Variants in KAT6B observed in about 807,000 individuals in gnomAD.
KAT6B encodes histone acetyltransferase KAT6B.
A neutral mutation model predicts 187.5 loss-of-function variants in KAT6B; 10 were observed. The ratio of observed to expected loss-of-function variants is 0.05; its 90% CI spans 0.03 to 0.09. KAT6B has a LOEUF of 0.09. KAT6B is among the 10% of genes least tolerant of loss of function. The probability of loss-of-function intolerance (pLI) is 1.00; values close to 1 mark genes in which losing one functional copy is unlikely to be tolerated. For synonymous variants in KAT6B, 861 were observed against 926.8 expected (o/e 0.93, Z 1.29); for missense variants, 1,952 against 2,558.9 (o/e 0.76, Z 5.12).
intron 13 of KAT6B, among the ~76,000 whole-genome samples, chr10:75,001,860 G>A (rs555218221): frequency 7.9e-5 from 12 of 152,150 alleles, no homozygotes; most frequent in Admixed American, 2.0e-4. Context: ...ACTGTATTAC[G>A]CCCCCTGGAA....
intron 3 of KAT6B, among the ~76,000 whole-genome samples, chr10:74,910,849 T>G (rs1246331517): frequency 1.3e-5 from 2 of 152,186 alleles, no homozygotes; most frequent in African/African-American, 4.8e-5. Flanking sequence ...CTATATGCAT[T>G]CTCTTAAATT....
At chr10:74,962,590 A>G (rs572225375) in intron 4 of KAT6B, among the ~76,000 whole-genome samples, 1 of 152,338 alleles carries the variant, frequency 6.6e-6, no homozygotes, top group South Asian at 2.1e-4. Context: ...TAAAACCAGA[A>G]AAAGGAAATA....
At chr10:74,857,837 T>C (rs1842916615) in intron 3 of KAT6B, among the ~76,000 whole-genome samples, 1 of 152,062 alleles carries the variant, frequency 6.6e-6, no homozygotes, top group Admixed American at 6.6e-5. Context: ...CTGGACAACA[T>C]AGTGAGATCC....
intron 13 of KAT6B, among the ~76,000 whole-genome samples, chr10:74,989,992 C>G (rs368842243): frequency 6.6e-6 from 1 of 151,696 alleles, no homozygotes; most frequent in Non-Finnish European, 1.5e-5. Flanking sequence ...ATCAAGAGAT[C>G]GAGACCATCC....
At chr10:74,895,739 C>T (rs987041578) in intron 3 of KAT6B, among the ~76,000 whole-genome samples, 1 of 152,022 alleles carries the variant, frequency 6.6e-6, no homozygotes, top group Admixed American at 6.6e-5. Flanking sequence ...GAAGTTTCAC[C>T]GTGTTGGCCA....
In KAT6B at chr10:74,960,027, C is replaced by A. The variant is rs749252195; in HGVS notation, c.679C>A (p.Arg227Ser). 1 of 1,613,628 alleles carries A rather than the reference C, an allele frequency of 6.2e-7. No homozygotes were observed. Among genetic ancestry groups the A allele is most frequent in the South Asian group, 1.1e-5 (1 of 91,074 alleles). ...SFCLGTKESN[R>S]EKKPEELLSC... ...CTGTTTGGGGACTAAAGAATCAAATCGTGAAAAGAAACCAGAAGAACTCCT... is the reference window on the plus strand; with the variant it reads ...CTGTTTGGGGACTAAAGAATCAAATAGTGAAAAGAAACCAGAAGAACTCCT... Residue 227 changes from arginine (R) to serine (S), a missense_variant, in exon 4 of 18, where the codon CGT becomes AGT. Around this residue, in one of 9 missense-constraint regions of KAT6B, gnomAD observed 218 missense variants for 282.6 expected, o/e 0.77. Coordinates refer to ENST00000287239, the MANE Select transcript of KAT6B (RefSeq NM_012330.4).
intron 3 of KAT6B, among the ~76,000 whole-genome samples, chr10:74,872,861 C>T (rs1297881313): frequency 1.3e-5 from 2 of 151,934 alleles, no homozygotes; most frequent in Non-Finnish European, 2.9e-5. Flanking sequence ...CTAAATGGTC[C>T]TAGGTTGGAG....
At chr10:74,936,447 C>T (rs902929521) in intron 3 of KAT6B, among the ~76,000 whole-genome samples, 2 of 151,272 alleles carry the variant, frequency 1.3e-5, no homozygotes. Flanking sequence ...TGAAGGGAAT[C>T]CTGGGCCAAC....
chr10:74,939,764 G>A (rs1463052645), intron 3 of KAT6B, among the ~76,000 whole-genome samples: 2 of 152,144 alleles, frequency 1.3e-5, no homozygotes, highest in East Asian at 3.8e-4. Context: ...AACTAAATTG[G>A]CAAAGGGAAG....
At chr10:74,851,333 ATTTTTTTTT>A (rs1212836217) in intron 3 of KAT6B, among the ~76,000 whole-genome samples, 1 of 128,328 alleles carries the variant, frequency 7.8e-6, no homozygotes, top group Non-Finnish European at 1.7e-5. Flanking sequence ...GATAAGAATG[ATTTTTTTTT>A]TTTTTTTTTG....
At chr10:75,024,825 A>T in intron 16 of KAT6B, 133 bp from the exon 17 acceptor site, 2 of 797,850 alleles carry the variant, frequency 2.5e-6, no homozygotes, top group Non-Finnish European at 4.3e-6. Flanking sequence ...ATGGAAGGTT[A>T]AGTACAAAGG....
At chr10:74,892,052 T>C (rs1403704634) in intron 3 of KAT6B, among the ~76,000 whole-genome samples, 1 of 152,154 alleles carries the variant, frequency 6.6e-6, no homozygotes, top group East Asian at 1.9e-4. Flanking sequence ...CACCTGGAGT[T>C]TGAATCTGAA....
At chr10:74,969,453 G>A (rs1047038493) in intron 4 of KAT6B, among the ~76,000 whole-genome samples, 3 of 152,212 alleles carry the variant, frequency 2.0e-5, no homozygotes, top group Admixed American at 6.5e-5. Context: ...CATTCGTACA[G>A]TCATTTTGTT....
intron 3 of KAT6B, among the ~76,000 whole-genome samples, chr10:74,881,040 C>T (rs1844817883): frequency 6.6e-6 from 1 of 152,000 alleles, no homozygotes; most frequent in South Asian, 2.1e-4. Context: ...TATCCTACCT[C>T]AGCCTCTGGA....
chr10:75,004,556 C>T (rs1844073298), intron 13 of KAT6B, among the ~76,000 whole-genome samples: 1 of 152,056 alleles, frequency 6.6e-6, no homozygotes, highest in Non-Finnish European at 1.5e-5. Flanking sequence ...TAGTCCTTGC[C>T]CATAGGGAAG....
At chr10:74,993,151 CTCT>C (rs979686463) in intron 13 of KAT6B, among the ~76,000 whole-genome samples, 3 of 152,184 alleles carry the variant, frequency 2.0e-5, no homozygotes, top group African/African-American at 4.8e-5. Flanking sequence ...AGGCAAGGAG[CTCT>C]TCTTCTCCCA....
intron 3 of KAT6B, among the ~76,000 whole-genome samples, chr10:74,850,670 GTT>G (rs1248749484): frequency 6.6e-6 from 1 of 152,180 alleles, no homozygotes; most frequent in Non-Finnish European, 1.5e-5. Context: ...TAGTATTAAT[GTT>G]TCTCATTAAA....
chr10:74,840,009 C>T (rs904463832), intron 2 of KAT6B, among the ~76,000 whole-genome samples: 4 of 152,102 alleles, frequency 2.6e-5, no homozygotes, highest in Non-Finnish European at 4.4e-5. Flanking sequence ...CTTAAATCAA[C>T]GAGATGAAAT....
intron 3 of KAT6B, among the ~76,000 whole-genome samples, chr10:74,855,780 ACT>A (rs1842777722): frequency 6.6e-6 from 1 of 151,968 alleles, no homozygotes. Context: ...TACAGTAAAC[ACT>A]CTATTTCTTT....
Sources: allele counts gnomAD v4.1 joint callset (sites outside exome capture counted in the v4.1 genomes callset), GRCh38; gene constraint gnomAD v4.1.1; regional missense constraint gnomAD v4.1.1; transcripts MANE v1.5; gene names NCBI Gene and HGNC (gene_info 2026-07-23, HGNC 2026-07-21).